The following SLC4A7 variants were observed in gnomAD, a reference collection of about 807,000 sequenced individuals.
SLC4A7 encodes the protein sodium bicarbonate cotransporter 3.
SLC4A7 carries 51 observed loss-of-function variants against 137.6 expected under a neutral mutation model. The ratio of observed to expected loss-of-function variants is 0.37; its 90% confidence interval spans 0.30 to 0.47. SLC4A7 has a LOEUF of 0.47. Ranked by LOEUF, SLC4A7 falls within the 20% of genes least tolerant of loss-of-function variation. SLC4A7 has a pLI of 1.00. For missense variants in SLC4A7, 1,247 were observed against 1,525.4 expected (o/e 0.82, Z 3.04); for synonymous variants, 542 against 518.6 (o/e 1.05, Z -0.61).
At position 27,403,035 on chromosome 3, in the gene SLC4A7, T is replaced by C. The variant is rs533170353; in HGVS notation, c.2321+104A>G. On this transcript the variant is annotated intron_variant, in intron 15 of 25. Transcript: ENST00000454389. ...ACTATCACATGGCTAGTTAAGTAGT[T>C]ATAGCTAGTTACACTATCACACTGC... 5.0e-5 allele frequency: 53 copies of C among 1,069,892 alleles called. 2 individuals carry two copies. The Admixed American group carries it at 6.1e-4, about 12-fold the overall frequency. 66.3% of individuals were successfully genotyped at this position (1,069,892 alleles called of 1,614,324 possible).
Position 27,421,844 on chromosome 3 carries a change from G to C in SLC4A7, c.1267-65C>G. The stretch of plus-strand genomic sequence containing the variant: ...TATTTGTAAGACTAGAGAGAAACAG[G>C]AAAGAAAAACTGCTTTATAAGACTA... On this transcript the variant is annotated intron_variant, in intron 8 of 25. Transcript: ENST00000454389. 3.1e-6 allele frequency: 4 copies of C among 1,307,106 alleles called. No individual in the cohort carries two copies. The South Asian group carries it at 5.8e-5, about 19-fold the overall frequency. The allele number at this position is 1,307,106 out of a possible 1,614,324, so 81.0% of individuals were successfully genotyped here.
At chr3:27,408,875 CCA>C (rs1388038228) in intron 13 of SLC4A7, among the ~76,000 whole-genome samples, 1 of 152,200 alleles carries the variant, frequency 6.6e-6, no homozygotes, top group Non-Finnish European at 1.5e-5. Context: ...CTTCAAAAAG[CCA>C]CAGTTTCCAT....
intron 7 of SLC4A7, among the ~76,000 whole-genome samples, 190 bp downstream of exon 7, chr3:27,431,108 C>T (rs182951094): frequency 2.3e-3 from 344 of 152,134 alleles, no homozygotes; most frequent in Non-Finnish European, 4.1e-3. Flanking sequence ...AAACTTTCAA[C>T]GGCGAAAACC....
chr3:27,421,477 C>A, intron 9 of SLC4A7, 145 bp downstream of exon 9: 1 of 720,880 alleles, frequency 1.4e-6, no homozygotes, highest in Middle Eastern at 4.3e-4. Flanking sequence ...GCCTGGATGA[C>A]AAAGTGAGAT....
intron 13 of SLC4A7, among the ~76,000 whole-genome samples, chr3:27,407,101 T>C (rs2053439692): frequency 7.5e-6 from 1 of 133,700 alleles, no homozygotes; most frequent in Non-Finnish European, 1.6e-5. Flanking sequence ...GATATTGCCA[T>C]ATGAAGACCT....
intron 1 of SLC4A7, among the ~76,000 whole-genome samples, chr3:27,466,356 C>G (rs2058995366): frequency 6.6e-6 from 1 of 151,302 alleles, no homozygotes; most frequent in Admixed American, 6.6e-5. Context: ...AAGGCTGAGG[C>G]AGGAGAATGG....
chr3:27,382,459 T>C (rs1229119771), intron 24 of SLC4A7, among the ~76,000 whole-genome samples: 1 of 151,600 alleles, frequency 6.6e-6, no homozygotes, highest in Non-Finnish European at 1.5e-5. Context: ...AATAGATGTG[T>C]AGAAATAGAA....
chr3:27,453,234 T>A (rs907257604), intron 1 of SLC4A7, among the ~76,000 whole-genome samples: 2 of 152,220 alleles, frequency 1.3e-5, no homozygotes, highest in Non-Finnish European at 2.9e-5. Flanking sequence ...AAAAGGACAT[T>A]CTAATCATCA....
chr3:27,480,791 AT>A (rs202118912), intron 1 of SLC4A7, among the ~76,000 whole-genome samples: 1 of 151,420 alleles, frequency 6.6e-6, no homozygotes, highest in East Asian at 1.9e-4. Context: ...TCTAATGACT[AT>A]TTTTTTTTAA....
At position 27,404,912 on chromosome 3, in the gene SLC4A7, A is replaced by G. The variant is rs2053185519; in HGVS notation, c.1993T>C (p.Leu665=). 1.2e-6 allele frequency: 2 copies of G among 1,611,132 alleles called. No homozygotes were observed. The highest frequency in any genetic ancestry group is 1.7e-6 in the Non-Finnish European group (2 of 1,178,904). Residue 665 remains leucine (L), a synonymous_variant, in exon 14 of 26, where the codon TTG becomes CTG. Coordinates refer to ENST00000454389, the MANE Select transcript of SLC4A7 (RefSeq NM_001321103.2). The part of the protein sequence containing the change: ...GASLTGIAYS[L]FAGQPLTILG... ...ATTGTTAGAGGTTGCCCAGCAAACA[A>G]TGAATAGGCAATCCCAGTTAATGAT... is the stretch of plus-strand genomic sequence containing the variant.
chr3:27,462,656 T>TA (rs2058760324), intron 1 of SLC4A7: 1 of 181,132 alleles, frequency 5.5e-6, no homozygotes, highest in African/African-American at 2.4e-5. Flanking sequence ...TGAGAATCAC[T>TA]ACAAGAAAAA....
At chr3:27,472,089 C>T (rs1022333752) in intron 1 of SLC4A7, among the ~76,000 whole-genome samples, 1 of 152,164 alleles carries the variant, frequency 6.6e-6, no homozygotes, top group African/African-American at 2.4e-5. Flanking sequence ...CCTCCCTCTT[C>T]AAAGCTCACA....
chr3:27,462,515 G>A (rs768135095), intron 1 of SLC4A7: 2 of 152,324 alleles, frequency 1.3e-5, no homozygotes, highest in African/African-American at 4.8e-5. Flanking sequence ...AGAACCAGAG[G>A]TGGAGATTTG....
intron 14 of SLC4A7, among the ~76,000 whole-genome samples, chr3:27,403,604 TATTA>T (rs764280267): frequency 1.3e-4 from 19 of 151,948 alleles, no homozygotes; most frequent in East Asian, 1.2e-3. Flanking sequence ...AATTAATTAG[TATTA>T]ATTATTAATA....
intron 22 of SLC4A7, among the ~76,000 whole-genome samples, chr3:27,387,026 A>T (rs775611295): frequency 4.6e-5 from 7 of 152,184 alleles, no homozygotes; most frequent in Non-Finnish European, 7.4e-5. Context: ...ATGTATTCAG[A>T]TACATTTCTG....
Position 27,394,661 on chromosome 3 carries a change from G to T in SLC4A7, c.2974C>A (p.His992Asn). 6.2e-7 allele frequency: 1 copy of T among 1,614,146 alleles called. No individual in the cohort carries two copies. The highest frequency in any genetic ancestry group is 8.5e-7 in the Non-Finnish European group (1 of 1,180,022). Residue 992 changes from histidine (H) to asparagine (N), a missense_variant, in exon 20 of 26, where the codon CAT becomes AAT. His to Asn is a moderately conservative substitution (Grantham distance 68). Transcript: ENST00000454389. ...GATTCAACTTTTAAGCTGTTGACATGACTTATTGACAACACTGTTGCAGCC... is the reference window on the plus strand; with the variant it reads ...GATTCAACTTTTAAGCTGTTGACATTACTTATTGACAACACTGTTGCAGCC... Reference protein sequence around the residue: ...FVAATVLSISHVNSLKVESEC... With the variant: ...FVAATVLSISNVNSLKVESEC...
intron 1 of SLC4A7, among the ~76,000 whole-genome samples, chr3:27,481,491 G>A (rs988481540): frequency 3.9e-5 from 6 of 152,158 alleles, no homozygotes; most frequent in African/African-American, 9.7e-5. Context: ...AGTCTGCTGC[G>A]AGTTAGAGTT....
chr3:27,451,941 C>G (rs146430776), intron 2 of SLC4A7, among the ~76,000 whole-genome samples: 1 of 152,042 alleles, frequency 6.6e-6, no homozygotes. Flanking sequence ...AAACCATTTG[C>G]CAGGACTTCT....
chr3:27,468,504 G>C (rs1323473731), intron 1 of SLC4A7, among the ~76,000 whole-genome samples: 1 of 152,118 alleles, frequency 6.6e-6, no homozygotes, highest in Admixed American at 6.6e-5. Flanking sequence ...CCAGGAGTTA[G>C]AGCTGCACTG....
Sources: gnomAD v4.1 joint callset for allele counts (sites outside exome capture counted in the v4.1 genomes callset) on GRCh38, gnomAD v4.1.1 for gene constraint, MANE v1.5 for transcripts, NCBI Gene and HGNC (gene_info 2026-07-23, HGNC 2026-07-21) for gene names.